The following NDUFAF2 variants were observed in gnomAD, a reference collection of about 807,000 sequenced individuals.
The protein encoded by NDUFAF2 is NADH:ubiquinone oxidoreductase complex assembly factor 2.
NDUFAF2 carries 13 observed loss-of-function variants against 22.8 expected under a neutral mutation model. The ratio of observed to expected loss-of-function variants is 0.57; its 90% CI spans 0.37 to 0.91. NDUFAF2 has a LOEUF of 0.91. Ranked by LOEUF, NDUFAF2 falls within the 40% of genes least tolerant of loss-of-function variation. The pLI is 0.01. For synonymous variants in NDUFAF2, 53 were observed against 64.2 expected (o/e 0.83, Z 0.84); for missense variants, 162 against 195.2 (o/e 0.83, Z 1.01).
intron 3 of NDUFAF2, chr5:61,116,080 A>G (rs1408376412): frequency 1.3e-5 from 2 of 152,200 alleles, no homozygotes; most frequent in African/African-American, 4.8e-5. Flanking sequence ...GGGTTTTCAA[A>G]TGAAGACAAA....
rs2111732036 is a variant in NDUFAF2, at chr5:61,073,166, A to G, written c.169A>G (p.Lys57Glu). Residue 57 changes from lysine (K) to glutamate (E), a missense_variant, in exon 2 of 4, where the codon AAA becomes GAA. Physicochemically the swap from Lys to Glu is moderately conservative, Grantham distance 56 (BLOSUM62 1). This residue lies in a region of NDUFAF2 where 94 missense variants were observed against 85.2 expected (regional missense o/e 1.10). Coordinates refer to ENST00000296597, the MANE Select transcript of NDUFAF2 (RefSeq NM_174889.5). ...REKRIVEAAN[K>E]KEVDYEAGDI... Reference sequence around the variant, plus strand: ...GAAAAGAATTGTAGAAGCAGCAAATAAAAAAGAAGTAGACTATGAAGCAGG... The same window carrying G: ...GAAAAGAATTGTAGAAGCAGCAAATGAAAAAGAAGTAGACTATGAAGCAGG... 3 of 1,613,246 alleles carry G rather than the reference A, an allele frequency of 1.9e-6. No individual in the cohort carries two copies. The highest frequency in any genetic ancestry group is 2.5e-6 in the Non-Finnish European group (3 of 1,179,362).
rs28376007 is a variant in NDUFAF2 at position 61,140,574 on chromosome 5, G to A, written c.259-12130G>A. Among the ~76,000 whole-genome samples, 535 of 152,228 alleles carry A rather than the reference G, an allele frequency of 3.5e-3. 5 individuals carry two copies. Among genetic ancestry groups the A allele is most frequent in the Non-Finnish European group, 4.0e-3 (274 of 68,012 alleles). ...CATGTATGTCCCATATAATTTTTAG[G>A]ACATAAATACTAAATTATTTGATGT... On this transcript the variant is annotated intron_variant, in intron 3 of 3. Coordinates refer to ENST00000296597, the MANE Select transcript of NDUFAF2 (RefSeq NM_174889.5).
chr5:61,104,971 G>A (rs1430026793), intron 3 of NDUFAF2, among the ~76,000 whole-genome samples: 2 of 151,952 alleles, frequency 1.3e-5, no homozygotes, highest in Non-Finnish European at 2.9e-5. Context: ...ATAGCCTTAC[G>A]AATTGTAATA....
At chr5:61,097,122 C>T (rs182081014) in intron 2 of NDUFAF2, among the ~76,000 whole-genome samples, 51 of 152,242 alleles carry the variant, frequency 3.3e-4, no homozygotes, top group Non-Finnish European at 5.9e-4. Context: ...ATCCCAAGCC[C>T]GCAGTTGAAT....
intron 1 of NDUFAF2, among the ~76,000 whole-genome samples, chr5:61,022,528 A>G (rs1394992180): frequency 6.6e-6 from 1 of 152,226 alleles, no homozygotes; most frequent in Non-Finnish European, 1.5e-5. Flanking sequence ...GTTATTGCGT[A>G]TGAGACATCT....
chr5:61,117,432 T>C (rs1422391974), intron 3 of NDUFAF2, among the ~76,000 whole-genome samples: 2 of 152,202 alleles, frequency 1.3e-5, no homozygotes, highest in African/African-American at 2.4e-5. Context: ...CATAGCTTAC[T>C]GCAGTCTTGA....
intron 1 of NDUFAF2, among the ~76,000 whole-genome samples, chr5:61,013,634 T>C (rs1328592131): frequency 6.6e-6 from 1 of 152,136 alleles, no homozygotes; most frequent in Non-Finnish European, 1.5e-5. Flanking sequence ...TTCTCTGTAC[T>C]GTTGGTTGTG....
intron 1 of NDUFAF2, among the ~76,000 whole-genome samples, chr5:60,950,683 G>T: frequency 6.7e-6 from 1 of 148,196 alleles, no homozygotes. Context: ...ATCATGTGGT[G>T]AATTTATACT....
At chr5:60,952,168 T>C (rs1190921604) in intron 1 of NDUFAF2, among the ~76,000 whole-genome samples, 2 of 152,008 alleles carry the variant, frequency 1.3e-5, no homozygotes, top group Non-Finnish European at 2.9e-5. Flanking sequence ...GCTTTGAGTT[T>C]CACTGATTTT....
At chr5:61,123,105 A>G (rs1018674288) in intron 3 of NDUFAF2, among the ~76,000 whole-genome samples, 2 of 152,182 alleles carry the variant, frequency 1.3e-5, no homozygotes, top group Non-Finnish European at 2.9e-5. Flanking sequence ...AGCAGTGACC[A>G]ACTCCAGAAC....
intron 1 of NDUFAF2, among the ~76,000 whole-genome samples, chr5:61,050,089 A>C (rs1752005779): frequency 6.6e-6 from 1 of 152,070 alleles, no homozygotes; most frequent in African/African-American, 2.4e-5. Context: ...ATATACCCAG[A>C]AATGGAATTG....
At chr5:60,949,515 G>A (rs1485458687) in intron 1 of NDUFAF2, among the ~76,000 whole-genome samples, 9 of 152,128 alleles carry the variant, frequency 5.9e-5, no homozygotes, top group Admixed American at 3.9e-4. Flanking sequence ...ATTCACATAT[G>A]GGTTTCGTGT....
At chr5:61,023,867 A>G (rs541139512) in intron 1 of NDUFAF2, among the ~76,000 whole-genome samples, 1 of 152,150 alleles carries the variant, frequency 6.6e-6, no homozygotes, top group East Asian at 1.9e-4. Flanking sequence ...CACATCAGCT[A>G]TGGGTATGTT....
At chr5:61,068,116 T>C (rs1752253044) in intron 1 of NDUFAF2, among the ~76,000 whole-genome samples, 1 of 152,134 alleles carries the variant, frequency 6.6e-6, no homozygotes, top group African/African-American at 2.4e-5. Flanking sequence ...ATAAAGAATG[T>C]ATGGATCACT....
intron 1 of NDUFAF2, among the ~76,000 whole-genome samples, chr5:60,961,399 T>G (rs2112567658): frequency 6.6e-6 from 1 of 152,052 alleles, no homozygotes; most frequent in African/African-American, 2.4e-5. Context: ...ATCGAGACCA[T>G]CCTGGCTAAC....
intron 1 of NDUFAF2, among the ~76,000 whole-genome samples, chr5:60,971,163 C>T (rs1464377125): frequency 2.0e-5 from 3 of 149,452 alleles, no homozygotes; most frequent in South Asian, 2.1e-4. Context: ...TTAAATTGTA[C>T]TTTAAGTTCT....
intron 1 of NDUFAF2, among the ~76,000 whole-genome samples, chr5:60,966,086 G>A (rs1750755141): frequency 6.6e-6 from 1 of 152,038 alleles, no homozygotes; most frequent in African/African-American, 2.4e-5. Flanking sequence ...GGTATGTCTT[G>A]TTGTGGTTTT....
intron 3 of NDUFAF2, among the ~76,000 whole-genome samples, chr5:61,151,802 CA>C (rs66747926): frequency 0.62 from 94,008 of 151,260 alleles, 29,936 homozygotes; most frequent in East Asian, 0.94. Flanking sequence ...CTCAAAAAAA[CA>C]AAAAAAAACC....
chr5:61,091,891 C>G (rs1416354465), intron 2 of NDUFAF2, among the ~76,000 whole-genome samples: 3 of 152,074 alleles, frequency 2.0e-5, no homozygotes, highest in African/African-American at 7.2e-5. Context: ...AGGAAGTGGT[C>G]CAGTTCCAAT....
Sources: gnomAD v4.1 joint callset for allele counts (sites outside exome capture counted in the v4.1 genomes callset) on GRCh38, gnomAD v4.1.1 for gene constraint, gnomAD v4.1.1 regional missense constraint, MANE v1.5 for transcripts, NCBI Gene and HGNC (gene_info 2026-07-23, HGNC 2026-07-21) for gene names.